The following ITGA9 variants were observed in gnomAD, a reference collection of about 807,000 sequenced individuals.
The protein encoded by ITGA9 is integrin subunit alpha 9.
A neutral mutation model predicts 127.8 loss-of-function variants in ITGA9; 56 were observed. The observed-to-expected ratio is 0.44, with a 90% CI of 0.35 to 0.55. ITGA9 has a LOEUF of 0.55. ITGA9 is among the 20% of genes least tolerant of loss of function. ITGA9 has a pLI of 0.00. For missense variants in ITGA9, 1,196 were observed against 1,347.1 expected, an observed-to-expected ratio of 0.89 and a Z score of 1.76; for synonymous variants, 508 against 514.5, an observed-to-expected ratio of 0.99 and a Z score of 0.17.
intron 16 of ITGA9, among the ~76,000 whole-genome samples, chr3:37,638,179 G>T (rs1269403656): frequency 6.6e-6 from 1 of 152,102 alleles, no homozygotes; most frequent in African/African-American, 2.4e-5. Context: ...ACGAGTAGTA[G>T]TATCAGCATG....
At chr3:37,726,561 G>A (rs527275034) in intron 18 of ITGA9, among the ~76,000 whole-genome samples, 2 of 152,358 alleles carry the variant, frequency 1.3e-5, no homozygotes, top group Admixed American at 1.3e-4. Context: ...TCCAACCACT[G>A]CACGTTACAA....
intron 15 of ITGA9, among the ~76,000 whole-genome samples, chr3:37,614,491 A>G (rs1411224930): frequency 2.0e-5 from 3 of 151,844 alleles, no homozygotes; most frequent in South Asian, 2.1e-4. Context: ...GTTTTTTCCA[A>G]TTCTGTGAAG....
rs150754736 is a variant in ITGA9, at chr3:37,773,268, T to C, written c.2542-4124T>C. 4.1e-3 allele frequency among the ~76,000 whole-genome samples: 630 copies of C among 152,308 alleles called. 4 individuals carry two copies. Among genetic ancestry groups the C allele is most frequent in the African/African-American group, 0.014 (583 of 41,568 alleles). Reference sequence around the variant, plus strand: ...CTGCAGGGCTCAGAGGTTCTGTTTCTCTAAACCCAGACCAAATGTGTTTGG... The same window carrying C: ...CTGCAGGGCTCAGAGGTTCTGTTTCCCTAAACCCAGACCAAATGTGTTTGG... On this transcript the variant is annotated intron_variant, in intron 23 of 27. Coordinates refer to ENST00000264741, the MANE Select transcript of ITGA9 (RefSeq NM_002207.3).
chr3:37,465,754 GA>G (rs1453817442), intron 1 of ITGA9, among the ~76,000 whole-genome samples: 1 of 152,144 alleles, frequency 6.6e-6, no homozygotes, highest in Admixed American at 6.5e-5. Context: ...CATGCCCTTT[GA>G]CATGACGGAG....
chr3:37,641,298 C>T (rs975463733), intron 16 of ITGA9, among the ~76,000 whole-genome samples: 1 of 152,170 alleles, frequency 6.6e-6, no homozygotes, highest in African/African-American at 2.4e-5. Flanking sequence ...CCATCCCGCC[C>T]CCTCCACCGC....
rs115848360 is a variant in ITGA9, at chr3:37,516,688, C to T, written c.1036-816C>T. Among the ~76,000 whole-genome samples, 385 of 152,234 alleles carry T rather than the reference C, an allele frequency of 2.5e-3. 3 individuals carry two copies. Among genetic ancestry groups the T allele is most frequent in the African/African-American group, 8.7e-3 (363 of 41,526 alleles). On this transcript the variant is annotated intron_variant, in intron 9 of 27. Transcript: ENST00000264741. ...AAGAAGACTTGGTCATGATAAAAGC[C>T]AGACACTCGTGGGATGGCCTGTAGG...
intron 23 of ITGA9, among the ~76,000 whole-genome samples, chr3:37,770,624 A>G (rs1186082962): frequency 1.3e-5 from 2 of 152,230 alleles, no homozygotes; most frequent in Non-Finnish European, 2.9e-5. Flanking sequence ...CATTTGAAAC[A>G]AAGGGTCTGC....
intron 16 of ITGA9, among the ~76,000 whole-genome samples, chr3:37,635,634 TTTA>T (rs1487484755): frequency 2.0e-5 from 3 of 152,112 alleles, no homozygotes; most frequent in African/African-American, 4.8e-5. Context: ...TTTTTAAAGT[TTTA>T]TTATTATTAT....
intron 4 of ITGA9, among the ~76,000 whole-genome samples, chr3:37,486,505 G>A (rs192120038): frequency 6.6e-6 from 1 of 152,294 alleles, no homozygotes; most frequent in East Asian, 1.9e-4. Flanking sequence ...AGTGAATGCT[G>A]CTCATTGCCT....
At chr3:37,595,286 C>T (rs1207272660) in intron 15 of ITGA9, among the ~76,000 whole-genome samples, 1 of 152,044 alleles carries the variant, frequency 6.6e-6, no homozygotes, top group Non-Finnish European at 1.5e-5. Context: ...CCAGGTCAGA[C>T]AGTACCCTTG....
intron 15 of ITGA9, among the ~76,000 whole-genome samples, chr3:37,585,789 G>C (rs1699753757): frequency 1.1e-5 from 1 of 91,974 alleles, no homozygotes; most frequent in Non-Finnish European, 2.4e-5. Flanking sequence ...TAAGCAGGAA[G>C]AAGGGGGCCC....
chr3:37,641,604 A>AT (rs1347613310), intron 16 of ITGA9, among the ~76,000 whole-genome samples: 1 of 151,908 alleles, frequency 6.6e-6, no homozygotes, highest in Non-Finnish European at 1.5e-5. Context: ...GGCCACCATC[A>AT]TTTGTCACCT....
chr3:37,694,629 GA>G (rs1700865660), intron 18 of ITGA9, among the ~76,000 whole-genome samples: 2 of 152,212 alleles, frequency 1.3e-5, no homozygotes, highest in Non-Finnish European at 2.9e-5. Flanking sequence ...AATTAAGAAG[GA>G]CGTTTCCCAG....
chr3:37,756,733 T>G (rs896937633), intron 23 of ITGA9, among the ~76,000 whole-genome samples: 2 of 152,130 alleles, frequency 1.3e-5, no homozygotes, highest in Admixed American at 1.3e-4. Flanking sequence ...AATGTGAACA[T>G]TTACAAATTA....
chr3:37,549,977 G>A (rs1270498054), intron 15 of ITGA9, among the ~76,000 whole-genome samples: 2 of 152,178 alleles, frequency 1.3e-5, no homozygotes, highest in South Asian at 2.1e-4. Context: ...TCAGGTAATA[G>A]CGATAAAAGC....
chr3:37,558,903 G>A (rs931824040), intron 15 of ITGA9, among the ~76,000 whole-genome samples: 19 of 152,076 alleles, frequency 1.2e-4, no homozygotes, highest in Admixed American at 7.9e-4. Context: ...TCCTCTCACC[G>A]TTCTCCCCAG....
rs749499888 is a variant in ITGA9 at position 37,653,771 on chromosome 3, G to T, written c.1897G>T (p.Gly633Cys). Reference protein sequence around the residue: ...EDCAADLQLQGKLLLSSMDEK... With the variant: ...EDCAADLQLQCKLLLSSMDEK... ...CTGTGCCGCAGACCTGCAGCTTCAGGGTAAACTGCTGCTCTCCAGGTATGT... is the reference window on the plus strand; with the variant it reads ...CTGTGCCGCAGACCTGCAGCTTCAGTGTAAACTGCTGCTCTCCAGGTATGT... The change falls in exon 17 of 28, where the codon GGT (glycine) becomes TGT (cysteine). Residue 633 changes from glycine (G) to cysteine (C), a missense_variant. Transcript: ENST00000264741. The T allele has an allele frequency of 1.2e-6, 2 of 1,612,982 alleles. No homozygotes were observed. Among genetic ancestry groups the T allele is most frequent in the Non-Finnish European group, 1.7e-6 (2 of 1,179,144 alleles).
chr3:37,699,612 C>T (rs1373600948), intron 18 of ITGA9, among the ~76,000 whole-genome samples: 1 of 152,180 alleles, frequency 6.6e-6, no homozygotes. Context: ...TCTTACACTC[C>T]TCCTCTTACA....
chr3:37,578,292 G>A (rs530146785), intron 15 of ITGA9, among the ~76,000 whole-genome samples: 37 of 152,188 alleles, frequency 2.4e-4, no homozygotes, highest in Non-Finnish European at 3.5e-4. Flanking sequence ...TTTTGGATGA[G>A]CTCATTTCAT....
Sources: allele counts gnomAD v4.1 joint callset (sites outside exome capture counted in the v4.1 genomes callset), GRCh38; gene constraint gnomAD v4.1.1; transcripts MANE v1.5; gene names NCBI Gene and HGNC (gene_info 2026-07-23, HGNC 2026-07-21).